The following SRGAP2C variants were observed in gnomAD, a reference collection of about 807,000 sequenced individuals.
SRGAP2C encodes SLIT-ROBO Rho GTPase activating protein 2C.
A neutral mutation model predicts 25.1 loss-of-function variants in SRGAP2C; 15 were observed. The ratio of observed to expected loss-of-function variants is 0.60; its 90% CI spans 0.40 to 0.92. SRGAP2C has a LOEUF of 0.92. Among genes scored for constraint, SRGAP2C ranks in the 40% least tolerant of loss-of-function variants. SRGAP2C has a pLI of 0.00. For missense variants in SRGAP2C, 144 were observed against 264.4 expected (o/e 0.54, Z 3.16); for synonymous variants, 44 against 96.6 (o/e 0.46, Z 3.19).
chr1:121,294,767 C>T (rs1347006792), intron 3 of SRGAP2C, among the ~76,000 whole-genome samples: 1 of 142,500 alleles, frequency 7.0e-6, no homozygotes, highest in Non-Finnish European at 1.5e-5. Flanking sequence ...AGACCTTCTG[C>T]TATTTTATAA....
intron 2 of SRGAP2C, among the ~76,000 whole-genome samples, chr1:121,188,295 G>A (rs1654575692): frequency 6.6e-6 from 1 of 152,094 alleles, no homozygotes; most frequent in African/African-American, 2.4e-5. Context: ...AAATGTGAAG[G>A]GTAAAGCAAA....
At chr1:121,198,277 CTTTGT>C (rs1356749688) in intron 2 of SRGAP2C, among the ~76,000 whole-genome samples, 1 of 142,042 alleles carries the variant, frequency 7.0e-6, no homozygotes, top group Non-Finnish European at 1.5e-5. Context: ...GGCATATTCT[CTTTGT>C]TTTTTTTTTT....
chr1:121,236,690 G>C (rs1553328750), intron 2 of SRGAP2C, among the ~76,000 whole-genome samples: 2 of 151,258 alleles, frequency 1.3e-5, no homozygotes, highest in African/African-American at 4.9e-5. Flanking sequence ...TTATTGGCCT[G>C]TCTCGTCAGG....
chr1:121,383,370 G>C (rs1659879378), intron 8 of SRGAP2C, among the ~76,000 whole-genome samples: 1 of 151,872 alleles, frequency 6.6e-6, no homozygotes, highest in African/African-American at 2.4e-5. Context: ...ACATCCTAGA[G>C]GCTTTAGTGG....
At chr1:121,212,996 A>G (rs1655304176) in intron 2 of SRGAP2C, among the ~76,000 whole-genome samples, 1 of 142,458 alleles carries the variant, frequency 7.0e-6, no homozygotes, top group Non-Finnish European at 1.6e-5. Flanking sequence ...CTACTTAACA[A>G]TTTTGCTTAG....
chr1:121,336,754 T>C, intron 4 of SRGAP2C, among the ~76,000 whole-genome samples: 1 of 79,506 alleles, frequency 1.3e-5, no homozygotes, highest in South Asian at 3.7e-4. Context: ...AAGATTTAAT[T>C]AATTACTCAA....
intron 2 of SRGAP2C, among the ~76,000 whole-genome samples, chr1:121,219,311 T>C (rs1372400269): frequency 5.1e-5 from 6 of 117,488 alleles, no homozygotes. Flanking sequence ...TAAGAAAGTA[T>C]CACCCGTATG....
intron 2 of SRGAP2C, among the ~76,000 whole-genome samples, chr1:121,236,637 T>C (rs1329063860): frequency 6.6e-6 from 1 of 152,128 alleles, no homozygotes; most frequent in Admixed American, 6.6e-5. Context: ...CTTCCTGGGT[T>C]CTAAAGAATC....
intron 2 of SRGAP2C, among the ~76,000 whole-genome samples, chr1:121,236,621 C>G (rs1205719701): frequency 6.6e-6 from 1 of 152,128 alleles, no homozygotes. Flanking sequence ...ATGATTTACT[C>G]TGCTGCTTCC....
chr1:121,279,261 TG>T (rs2101561101), intron 2 of SRGAP2C, among the ~76,000 whole-genome samples: 1 of 151,072 alleles, frequency 6.6e-6, no homozygotes, highest in Non-Finnish European at 1.5e-5. Context: ...CTTAGAAATG[TG>T]GTATTCATGA....
chr1:121,368,386 C>G (rs1413598204), intron 5 of SRGAP2C, among the ~76,000 whole-genome samples: 1 of 132,364 alleles, frequency 7.6e-6, no homozygotes, highest in Non-Finnish European at 1.6e-5. Context: ...GCCTGGGGGA[C>G]AGAGCAAGAC....
At chr1:121,338,843 GCAAA>G (rs1658579954) in intron 4 of SRGAP2C, among the ~76,000 whole-genome samples, 3 of 142,214 alleles carry the variant, frequency 2.1e-5, no homozygotes, top group African/African-American at 5.2e-5. Flanking sequence ...TAATTTGGAA[GCAAA>G]CAAACAAAAA....
chr1:121,271,436 G>A (rs587725951), intron 2 of SRGAP2C, among the ~76,000 whole-genome samples: 27 of 151,390 alleles, frequency 1.8e-4, no homozygotes, highest in African/African-American at 6.3e-4. Context: ...AACTGTGGAG[G>A]GCAAAGGAGG....
At chr1:121,268,733 A>G (rs1318546981) in intron 2 of SRGAP2C, among the ~76,000 whole-genome samples, 2 of 110,244 alleles carry the variant, frequency 1.8e-5, no homozygotes, top group Non-Finnish European at 4.4e-5. Flanking sequence ...TTACTGGGGT[A>G]GGGAACGTGC....
At chr1:121,367,006 T>C (rs1570813758) in intron 5 of SRGAP2C, among the ~76,000 whole-genome samples, 1 of 141,700 alleles carries the variant, frequency 7.1e-6, no homozygotes, top group African/African-American at 2.6e-5. Flanking sequence ...GGAACTTATT[T>C]CTCTGGTCTG....
chr1:121,260,175 C>T (rs1272346116), intron 2 of SRGAP2C, among the ~76,000 whole-genome samples: 17 of 148,248 alleles, frequency 1.1e-4, no homozygotes, highest in East Asian at 8.0e-4. Context: ...GCCCAGGTTG[C>T]ATTTTAAAAT....
intron 4 of SRGAP2C, among the ~76,000 whole-genome samples, chr1:121,348,558 A>G (rs1451759396): frequency 1.3e-5 from 2 of 151,694 alleles, no homozygotes; most frequent in Non-Finnish European, 2.9e-5. Context: ...ATATCTGATG[A>G]ATTTAAAAAC....
intron 2 of SRGAP2C, among the ~76,000 whole-genome samples, chr1:121,250,550 AT>A (rs1656334657): frequency 7.1e-6 from 1 of 140,574 alleles, no homozygotes; most frequent in Admixed American, 7.4e-5. Flanking sequence ...AGCAGTGTTA[AT>A]TATAAGACCC....
intron 2 of SRGAP2C, among the ~76,000 whole-genome samples, chr1:121,270,412 A>G (rs1199969093): frequency 1.4e-5 from 2 of 138,906 alleles, no homozygotes; most frequent in African/African-American, 5.4e-5. Context: ...TTTAAACATT[A>G]TAAGTCTTTG....
Sources: gnomAD v4.1 joint callset for allele counts (sites outside exome capture counted in the v4.1 genomes callset) on GRCh38, gnomAD v4.1.1 for gene constraint, MANE v1.5 for transcripts, NCBI Gene and HGNC (gene_info 2026-07-23, HGNC 2026-07-21) for gene names.